Variants in PKIB observed in about 807,000 individuals in gnomAD.
The protein encoded by PKIB is cAMP-dependent protein kinase inhibitor beta.
A neutral mutation model predicts 4.5 loss-of-function variants in PKIB; 2 were observed. The ratio of observed to expected loss-of-function variants is 0.44; its 90% CI spans 0.18 to 1.39. PKIB has a LOEUF of 1.39. PKIB is among the 40% of genes most tolerant of loss of function. PKIB has a pLI of 0.27. For synonymous variants in PKIB, 38 were observed against 36.0 expected, an observed-to-expected ratio of 1.06 and a Z score of -0.20; for missense variants, 94 against 92.6, an observed-to-expected ratio of 1.02 and a Z score of -0.06.
At chr6:122,577,898 G>A (rs1285568425) in intron 2 of PKIB, among the ~76,000 whole-genome samples, 1 of 143,264 alleles carries the variant, frequency 7.0e-6, no homozygotes, top group Non-Finnish European at 1.5e-5. Context: ...GACAGAGCAA[G>A]ACTCCGTCTC....
intron 2 of PKIB, among the ~76,000 whole-genome samples, chr6:122,552,804 TGCATCCAGGGA>T (rs917405068): frequency 4.6e-5 from 7 of 152,268 alleles, no homozygotes; most frequent in African/African-American, 1.7e-4. Flanking sequence ...GCATCCTCTT[TGCATCCAGGGA>T]GCCATTTCTA....
chr6:122,515,033 TA>T (rs1776705392), intron 2 of PKIB, among the ~76,000 whole-genome samples: 1 of 152,216 alleles, frequency 6.6e-6, no homozygotes, highest in African/African-American at 2.4e-5. Context: ...AAACTAACAG[TA>T]AAACTATTTT....
chr6:122,529,020 A>C (rs1335577243), intron 2 of PKIB, among the ~76,000 whole-genome samples: 2 of 152,186 alleles, frequency 1.3e-5, no homozygotes, highest in Non-Finnish European at 2.9e-5. Flanking sequence ...TAACACAAAC[A>C]TTCTGTGTAT....
At chr6:122,631,989 G>A (rs1775722287) in intron 1 of PKIB, among the ~76,000 whole-genome samples, 1 of 152,194 alleles carries the variant, frequency 6.6e-6, no homozygotes, top group African/African-American at 2.4e-5. Context: ...TACTGTCCCA[G>A]TGTGAAAGGT....
At chr6:122,554,788 A>G (rs1477354675) in intron 2 of PKIB, among the ~76,000 whole-genome samples, 2 of 152,218 alleles carry the variant, frequency 1.3e-5, no homozygotes, top group Non-Finnish European at 2.9e-5. Flanking sequence ...CAAAAAATCA[A>G]TGAATTGAAC....
chr6:122,701,624 C>G (rs921272133), intron 3 of PKIB: 4 of 1,137,030 alleles, frequency 3.5e-6, no homozygotes, highest in Admixed American at 4.5e-5. Flanking sequence ...GTCTCAGGTA[C>G]CCTTGCCAAA....
At chr6:122,644,154 C>T (rs1169612676) in intron 2 of PKIB, 12 of 152,184 alleles carry the variant, frequency 7.9e-5, no homozygotes, top group Admixed American at 2.6e-4. Flanking sequence ...GGTATTTAAA[C>T]GTACATCATA....
intron 2 of PKIB, among the ~76,000 whole-genome samples, chr6:122,487,459 G>A (rs1775801855): frequency 6.6e-6 from 1 of 152,222 alleles, no homozygotes; most frequent in South Asian, 2.1e-4. Context: ...GATGGTATTA[G>A]AAGGTGGGGC....
At chr6:122,480,054 T>C (rs1408514741) in intron 2 of PKIB, 4 of 152,066 alleles carry the variant, frequency 2.6e-5, no homozygotes, top group Admixed American at 2.0e-4. Context: ...TTTTTTTTTT[T>C]TTTCTTGAGA....
chr6:122,607,467 G>A (rs1305291688), upstream of PKIB, among the ~76,000 whole-genome samples: 8 of 152,116 alleles, frequency 5.3e-5, no homozygotes, highest in Non-Finnish European at 8.8e-5. Flanking sequence ...GGAGTGAGCC[G>A]AGATTGGGCC....
chr6:122,512,326 A>G (rs190321156), intron 2 of PKIB, among the ~76,000 whole-genome samples: 209 of 152,220 alleles, frequency 1.4e-3, no homozygotes, highest in Non-Finnish European at 2.4e-3. Context: ...TGCTCATTCC[A>G]TAAATGTTCT....
At chr6:122,501,134 C>G (rs1370820489) in intron 2 of PKIB, among the ~76,000 whole-genome samples, 3 of 152,196 alleles carry the variant, frequency 2.0e-5, no homozygotes, top group African/African-American at 7.2e-5. Flanking sequence ...TTCCAGAACA[C>G]AATCATGACT....
chr6:122,664,620 G>A (rs13216917), intron 2 of PKIB, among the ~76,000 whole-genome samples: 8,548 of 152,006 alleles, frequency 0.056, 257 homozygotes, highest in East Asian at 0.13. Flanking sequence ...CTATGTTGCA[G>A]GATGGACTCA....
intron 2 of PKIB, among the ~76,000 whole-genome samples, chr6:122,505,927 A>AT (rs577713885): frequency 7.6e-4 from 115 of 152,120 alleles, no homozygotes; most frequent in Non-Finnish European, 1.5e-3. Flanking sequence ...TTTTTGAGGA[A>AT]TTTTTTTGTC....
intron 1 of PKIB, among the ~76,000 whole-genome samples, chr6:122,615,799 A>G (rs1313748638): frequency 6.6e-6 from 1 of 152,208 alleles, no homozygotes; most frequent in Non-Finnish European, 1.5e-5. Context: ...AAGGGATGCC[A>G]AGGTTTGCTG....
At chr6:122,636,742 G>C (rs1304360921) in intron 2 of PKIB, among the ~76,000 whole-genome samples, 1 of 152,100 alleles carries the variant, frequency 6.6e-6, no homozygotes, top group Non-Finnish European at 1.5e-5. Flanking sequence ...AGTATGGACA[G>C]TCTGGAAAAG....
intron 4 of PKIB, 59 bp downstream of exon 4, chr6:122,718,022 T>C: frequency 6.6e-7 from 1 of 1,520,400 alleles, no homozygotes; most frequent in Non-Finnish European, 8.9e-7. Flanking sequence ...CCAAGCCTTT[T>C]CTCTGGACAG....
chr6:122,496,619 GAA>G (rs1433252468), intron 2 of PKIB, among the ~76,000 whole-genome samples: 1 of 152,276 alleles, frequency 6.6e-6, no homozygotes, highest in Admixed American at 6.5e-5. Flanking sequence ...AAACCAAAGA[GAA>G]GAGAGGATTT....
At chr6:122,542,159 G>A (rs1432535962) in intron 2 of PKIB, among the ~76,000 whole-genome samples, 3 of 151,660 alleles carry the variant, frequency 2.0e-5, no homozygotes, top group Non-Finnish European at 4.4e-5. Context: ...TAGTTTGATT[G>A]TCTGAAGCCT....
Sources: allele counts gnomAD v4.1 joint callset (sites outside exome capture counted in the v4.1 genomes callset), GRCh38; gene constraint gnomAD v4.1.1; transcripts MANE v1.5; gene names NCBI Gene and HGNC (gene_info 2026-07-23, HGNC 2026-07-21).